Variants in CPEB4 observed in about 807,000 individuals in gnomAD.
The protein encoded by CPEB4 is cytoplasmic polyadenylation element-binding protein 4.
A neutral mutation model predicts 72.5 loss-of-function variants in CPEB4; 12 were observed. That is an observed-to-expected ratio of 0.17 (90% CI 0.11 to 0.27). The LOEUF (loss-of-function observed/expected upper bound fraction) is 0.27. Among genes scored for constraint, CPEB4 ranks in the 10% least tolerant of loss-of-function variants. The pLI, the probability that CPEB4 is intolerant of heterozygous loss-of-function variation, is 1.00. For missense variants in CPEB4, 614 were observed against 908.5 expected (o/e 0.68, Z 4.17); for synonymous variants, 302 against 326.3 (o/e 0.93, Z 0.80).
intron 2 of CPEB4, among the ~76,000 whole-genome samples, chr5:173,915,068 A>G (rs192438750): frequency 1.1e-4 from 16 of 152,274 alleles, no homozygotes; most frequent in Admixed American, 4.6e-4. Flanking sequence ...AGAGCTAGAA[A>G]ACTTAATTTG....
At chr5:173,903,060 G>GAAGAAAAAA (rs1756297832) in intron 1 of CPEB4, among the ~76,000 whole-genome samples, 1 of 120,828 alleles carries the variant, frequency 8.3e-6, no homozygotes. Flanking sequence ...GTAGCTGAAT[G>GAAGAAAAAA]AAAAAAAAAA....
At chr5:173,941,483 T>A (rs959888375) in intron 3 of CPEB4, among the ~76,000 whole-genome samples, 3 of 152,260 alleles carry the variant, frequency 2.0e-5, no homozygotes, top group Admixed American at 6.5e-5. Context: ...GATACTCACA[T>A]AATATTTCTG....
chr5:173,922,532 A>G (rs535965355), intron 2 of CPEB4, among the ~76,000 whole-genome samples: 2 of 152,350 alleles, frequency 1.3e-5, no homozygotes, highest in African/African-American at 4.8e-5. Flanking sequence ...TGCCTGGCCA[A>G]GATTTCTTAA....
chr5:173,899,543 T>C (rs1194990736), intron 1 of CPEB4, among the ~76,000 whole-genome samples: 1 of 152,116 alleles, frequency 6.6e-6, no homozygotes, highest in Non-Finnish European at 1.5e-5. Flanking sequence ...AAATAAGAGA[T>C]CCAGTTAAAG....
chr5:173,910,718 G>C (rs1261017472), intron 2 of CPEB4, 114 bp downstream of exon 2: 11 of 699,456 alleles, frequency 1.6e-5, no homozygotes, highest in Non-Finnish European at 2.7e-5. Flanking sequence ...TATGCAGTAA[G>C]TTCTATCAAT....
At chr5:173,891,095 G>A (rs935969128) in intron 1 of CPEB4, among the ~76,000 whole-genome samples, 2 of 150,586 alleles carry the variant, frequency 1.3e-5, no homozygotes, top group Non-Finnish European at 3.0e-5. Flanking sequence ...ATGAATACCT[G>A]GTAGCTGGTG....
chr5:173,893,815 C>G (rs1457581157), intron 1 of CPEB4, among the ~76,000 whole-genome samples: 1 of 152,146 alleles, frequency 6.6e-6, no homozygotes, highest in Non-Finnish European at 1.5e-5. Context: ...GGTTTGGGTA[C>G]ATATAATGAA....
intron 2 of CPEB4, among the ~76,000 whole-genome samples, chr5:173,918,699 A>T (rs1378231494): frequency 6.6e-6 from 1 of 152,214 alleles, no homozygotes. Context: ...TAGTCAATCG[A>T]AAATAGTGAT....
In CPEB4 at chr5:173,950,381, G is replaced by A. The variant is rs1271062631; in HGVS notation, c.1665+303G>A. 6.6e-6 allele frequency among the ~76,000 whole-genome samples: 1 copy of A among 152,188 alleles called. No homozygotes were observed. Among genetic ancestry groups the A allele is most frequent in the African/African-American group, 2.4e-5 (1 of 41,444 alleles). On this transcript the variant is annotated intron_variant, in intron 7 of 9. Coordinates refer to ENST00000265085, the MANE Select transcript of CPEB4 (RefSeq NM_030627.4). This position sits in a 1 kb window ranked among gnomAD's most constrained non-coding sequence, Gnocchi z 5.0. ...GCACTTTGGGAGGCCGAAGCAGGTG[G>A]ATCACATGAGGTCAGGAGTTCGAGA... is the stretch of plus-strand genomic sequence containing the variant.
chr5:173,945,884 TG>T (rs1392665050), intron 5 of CPEB4, among the ~76,000 whole-genome samples: 5 of 152,236 alleles, frequency 3.3e-5, no homozygotes, highest in Non-Finnish European at 5.9e-5. Context: ...TATTCATCCG[TG>T]GGTCTGAGTG....
chr5:173,915,676 G>A (rs1487951791), intron 2 of CPEB4, among the ~76,000 whole-genome samples: 1 of 152,148 alleles, frequency 6.6e-6, no homozygotes, highest in African/African-American at 2.4e-5. Context: ...TCTTCACCTG[G>A]ACAGAAAACT....
rs1240209233 is a variant in CPEB4 at position 173,900,108 on chromosome 5, A to G, written c.1125+9250A>G. 6.6e-6 allele frequency among the ~76,000 whole-genome samples: 1 copy of G among 152,128 alleles called. No individual in the cohort carries two copies. The highest frequency in any genetic ancestry group is 1.5e-5 in the Non-Finnish European group (1 of 68,010). On this transcript the variant is annotated intron_variant, in intron 1 of 9. Transcript: ENST00000265085. The surrounding 1 kb of genome is among the most constrained non-coding windows in gnomAD (Gnocchi z 4.4). ...ACAAGACATAAGCTTCAGTTTAGGA[A>G]TAAAGGTTGTGCATTGGCCAGGTGT...
rs1037856159 is a variant in CPEB4 at position 173,953,361 on chromosome 5, A to G, written c.1962+89A>G. 3.7e-5 allele frequency: 37 copies of G among 1,006,424 alleles called. No individual in the cohort carries two copies. The African/African-American group carries it at 5.1e-4, about 14-fold the overall frequency. 62.3% of individuals were successfully genotyped at this position (1,006,424 alleles called of 1,614,324 possible). On this transcript the variant is annotated intron_variant, in intron 9 of 9. Transcript: ENST00000265085. ...ATTAGAACGGGAGCATTTTATGACAATAAAGTGACAGCTGACAATTTTGCC... is the reference window on the plus strand; with the variant it reads ...ATTAGAACGGGAGCATTTTATGACAGTAAAGTGACAGCTGACAATTTTGCC...
In CPEB4 at chr5:173,952,004, A is replaced by C; in HGVS notation, c.1780+66A>C. On this transcript the variant is annotated intron_variant, in intron 8 of 9. Transcript: ENST00000265085. ...AAGAAATATGAAGATCTTCAGGATA[A>C]ATTTTTCCTAAGAATTGGAGTTAAT... The C allele has an allele frequency of 3.7e-6, 4 of 1,081,250 alleles. No homozygotes were observed. The South Asian group carries it at 3.9e-5, about 10-fold the overall frequency. The allele number at this position is 1,081,250 out of a possible 1,614,324, so 67.0% of individuals were successfully genotyped here.
In CPEB4 at chr5:173,956,295, T is replaced by C; in HGVS notation, c.*158T>C. On this transcript the variant is annotated 3_prime_UTR_variant, in exon 10 of 10. Transcript: ENST00000265085. ...AAGAATGACCTATAATATAGGTGTT[T>C]TGTAGATTCTTGTGTCACTGCAAAC... 1.7e-6 allele frequency: 1 copy of C among 574,680 alleles called. No individual in the cohort carries two copies. Among genetic ancestry groups the C allele is most frequent in the East Asian group, 2.8e-5 (1 of 35,504 alleles). 35.6% of individuals were successfully genotyped at this position (574,680 alleles called of 1,614,324 possible). A position where few individuals can be genotyped will look rare whatever the true frequency, so the allele number is the denominator to read the frequency against.
Position 173,950,629 on chromosome 5 carries a change from A to T in CPEB4, c.1665+551A>T, listed in dbSNP as rs1561632757. 1.3e-5 allele frequency among the ~76,000 whole-genome samples: 2 copies of T among 151,602 alleles called. No homozygotes were observed. Among genetic ancestry groups the T allele is most frequent in the African/African-American group, 2.4e-5 (1 of 41,360 alleles). On this transcript the variant is annotated intron_variant, in intron 7 of 9. Coordinates refer to ENST00000265085, the MANE Select transcript of CPEB4 (RefSeq NM_030627.4). This position sits in a 1 kb window ranked among gnomAD's most constrained non-coding sequence, Gnocchi z 5.0. ...AAAATAAAATAAAATAAAATAAAAT[A>T]AAATAAAAAACCAGACTTCATTTGA... is the stretch of plus-strand genomic sequence containing the variant.
intron 3 of CPEB4, among the ~76,000 whole-genome samples, chr5:173,937,220 CTTA>C (rs917752262): frequency 2.6e-5 from 4 of 151,660 alleles, no homozygotes; most frequent in African/African-American, 9.7e-5. Context: ...TTTTTGTATT[CTTA>C]GTAGAGATGG....
At chr5:173,921,550 G>T (rs2113208255) in intron 2 of CPEB4, among the ~76,000 whole-genome samples, 1 of 152,242 alleles carries the variant, frequency 6.6e-6, no homozygotes, top group Non-Finnish European at 1.5e-5. Context: ...TTCCTTTGTA[G>T]CAGGGTTAAG....
chr5:173,897,501 A>T (rs927801373), intron 1 of CPEB4, among the ~76,000 whole-genome samples: 1 of 152,240 alleles, frequency 6.6e-6, no homozygotes, highest in Non-Finnish European at 1.5e-5. Context: ...CAGGACTGTC[A>T]TAAAAAATGA....
Sources: gnomAD v4.1 joint callset for allele counts (sites outside exome capture counted in the v4.1 genomes callset) on GRCh38, gnomAD v4.1.1 for gene constraint, Gnocchi (gnomAD v3.1) non-coding constraint, MANE v1.5 for transcripts, NCBI Gene and HGNC (gene_info 2026-07-23, HGNC 2026-07-21) for gene names.